The following ZBTB20 variants were observed in gnomAD, a reference collection of about 807,000 sequenced individuals.
ZBTB20 encodes zinc finger and BTB domain-containing protein 20.
ZBTB20 carries 9 observed loss-of-function variants against 56.9 expected under a neutral mutation model. That is an observed-to-expected ratio of 0.16 (90% CI 0.10 to 0.28). The LOEUF (loss-of-function observed/expected upper bound fraction) is 0.28. Among genes scored for constraint, ZBTB20 ranks in the 10% least tolerant of loss-of-function variants. ZBTB20 has a pLI of 1.00. For missense variants in ZBTB20, 655 were observed against 1,003.0 expected (o/e 0.65, Z 4.69); for synonymous variants, 417 against 420.7 (o/e 0.99, Z 0.11).
At chr3:114,371,461 A>C (rs1393811576) in intron 10 of ZBTB20, among the ~76,000 whole-genome samples, 1 of 152,162 alleles carries the variant, frequency 6.6e-6, no homozygotes, top group African/African-American at 2.4e-5. Flanking sequence ...GTATGGGGAC[A>C]TATCTTTAAC....
At chr3:114,659,379 T>C (rs1020319325) in intron 6 of ZBTB20, among the ~76,000 whole-genome samples, 1 of 152,220 alleles carries the variant, frequency 6.6e-6, no homozygotes, top group Non-Finnish European at 1.5e-5. Flanking sequence ...AGCCCTACCC[T>C]TCATTATTCA....
At chr3:114,586,989 C>CTTT (rs1195918426) in intron 6 of ZBTB20, among the ~76,000 whole-genome samples, 127 of 77,002 alleles carry the variant, frequency 1.6e-3, no homozygotes, top group South Asian at 6.3e-3. Flanking sequence ...GTATAACTCC[C>CTTT]TTTTTTTTTT....
At chr3:114,455,846 G>T (rs1055120113) in intron 7 of ZBTB20, among the ~76,000 whole-genome samples, 1 of 152,140 alleles carries the variant, frequency 6.6e-6, no homozygotes, top group African/African-American at 2.4e-5. Flanking sequence ...GGCAGACACT[G>T]AAGGCGATTT....
chr3:114,374,496 G>A (rs558985525), intron 10 of ZBTB20, among the ~76,000 whole-genome samples: 1 of 152,280 alleles, frequency 6.6e-6, no homozygotes, highest in Admixed American at 6.5e-5. Flanking sequence ...AATGTTTTCA[G>A]GATTGTCCAA....
chr3:114,970,554 AG>A, intron 3 of ZBTB20, among the ~76,000 whole-genome samples: 1 of 152,316 alleles, frequency 6.6e-6, no homozygotes, highest in Non-Finnish European at 1.5e-5. Flanking sequence ...ATTAATAAAC[AG>A]GTTTCCAAAG....
chr3:115,122,921 C>T (rs1363291447), intron 1 of ZBTB20, among the ~76,000 whole-genome samples: 1 of 152,088 alleles, frequency 6.6e-6, no homozygotes, highest in African/African-American at 2.4e-5. Flanking sequence ...GTCAAACACC[C>T]ATTCTTGAGG....
At chr3:114,686,872 T>G (rs2062373044) in intron 6 of ZBTB20, among the ~76,000 whole-genome samples, 1 of 152,150 alleles carries the variant, frequency 6.6e-6, no homozygotes, top group East Asian at 1.9e-4. Flanking sequence ...GACCTCACCC[T>G]CTTGGATCAG....
At chr3:114,698,577 G>A (rs980831551) in intron 5 of ZBTB20, among the ~76,000 whole-genome samples, 2 of 152,060 alleles carry the variant, frequency 1.3e-5, no homozygotes, top group African/African-American at 4.8e-5. Context: ...CTATGGCTGA[G>A]AACAACCACT....
At chr3:114,948,709 A>G (rs2076967670) in intron 3 of ZBTB20, among the ~76,000 whole-genome samples, 1 of 146,330 alleles carries the variant, frequency 6.8e-6, no homozygotes, top group Admixed American at 6.6e-5. Context: ...AATAAAACTT[A>G]AAATGATACC....
chr3:114,392,135 T>A (rs2085934121), intron 7 of ZBTB20, among the ~76,000 whole-genome samples: 1 of 152,158 alleles, frequency 6.6e-6, no homozygotes, highest in Admixed American at 6.5e-5. Context: ...GACAATACTG[T>A]CAACACCACT....
At chr3:114,423,679 CAGG>C (rs1012071821) in intron 7 of ZBTB20, among the ~76,000 whole-genome samples, 7 of 152,144 alleles carry the variant, frequency 4.6e-5, no homozygotes, top group Admixed American at 2.0e-4. Flanking sequence ...TTACATACTT[CAGG>C]AGATGTTAAA....
chr3:114,655,056 C>T (rs2060320724), intron 6 of ZBTB20, among the ~76,000 whole-genome samples: 1 of 152,094 alleles, frequency 6.6e-6, no homozygotes, highest in Non-Finnish European at 1.5e-5. Flanking sequence ...TTCCTGTAGA[C>T]AGCATATGTT....
intron 5 of ZBTB20, among the ~76,000 whole-genome samples, chr3:114,741,838 C>T (rs1038879094): frequency 6.7e-6 from 1 of 150,338 alleles, no homozygotes; most frequent in Admixed American, 6.6e-5. Flanking sequence ...CCAAGATTGC[C>T]CCACTGCACT....
At chr3:114,915,013 C>T (rs1185215366) in intron 3 of ZBTB20, among the ~76,000 whole-genome samples, 2 of 151,146 alleles carry the variant, frequency 1.3e-5, no homozygotes, top group African/African-American at 2.4e-5. Context: ...GGATATTGGC[C>T]TGTGGTTTTC....
At chr3:114,533,145 G>A (rs531317896) in intron 6 of ZBTB20, among the ~76,000 whole-genome samples, 46 of 152,142 alleles carry the variant, frequency 3.0e-4, no homozygotes, top group African/African-American at 1.1e-3. Flanking sequence ...ATGAGTTTGA[G>A]GAATTGACAG....
At chr3:114,560,839 C>G (rs1369194107) in intron 6 of ZBTB20, among the ~76,000 whole-genome samples, 2 of 152,156 alleles carry the variant, frequency 1.3e-5, no homozygotes, top group African/African-American at 2.4e-5. Flanking sequence ...ATTGACTCTT[C>G]TTTTCACAAA....
intron 5 of ZBTB20, among the ~76,000 whole-genome samples, chr3:114,799,731 C>T (rs914696363): frequency 3.3e-5 from 5 of 151,890 alleles, no homozygotes; most frequent in African/African-American, 4.8e-5. Flanking sequence ...TTTATTCACT[C>T]ATACCAGCCA....
At chr3:114,414,947 C>G (rs1024325377) in intron 7 of ZBTB20, among the ~76,000 whole-genome samples, 6 of 151,638 alleles carry the variant, frequency 4.0e-5, no homozygotes, top group African/African-American at 1.5e-4. Flanking sequence ...TCTCTGCCGC[C>G]CCCCCGCACC....
intron 3 of ZBTB20, among the ~76,000 whole-genome samples, chr3:114,907,417 C>G (rs931238121): frequency 6.6e-6 from 1 of 151,766 alleles, no homozygotes; most frequent in Non-Finnish European, 1.5e-5. Context: ...TTTCTGTGTA[C>G]GTATATGTGT....
Sources: gnomAD v4.1 joint callset for allele counts (sites outside exome capture counted in the v4.1 genomes callset) on GRCh38, gnomAD v4.1.1 for gene constraint, MANE v1.5 for transcripts, NCBI Gene and HGNC (gene_info 2026-07-23, HGNC 2026-07-21) for gene names.